GALNT6: variants seen among roughly 807,000 people sequenced by gnomAD.
The protein encoded by GALNT6 is GalNAc transferase 6.
Under a neutral mutation model 65.9 loss-of-function variants are expected in GALNT6, and 51 were observed. The ratio of observed to expected loss-of-function variants is 0.77; its 90% CI spans 0.62 to 0.98. The LOEUF is 0.98. GALNT6 is among the 50% of genes least tolerant of loss of function. GALNT6 has a pLI of 0.00. For synonymous variants in GALNT6, 323 were observed against 315.1 expected (o/e 1.02, Z -0.26); for missense variants, 708 against 803.3 (o/e 0.88, Z 1.43).
chr12:51,379,762 C>T lies in GALNT6; in HGVS notation c.20G>A (p.Arg7His), dbSNP rs1344312638. 8.1e-6 allele frequency: 13 copies of T among 1,608,142 alleles called. No homozygotes were observed. The highest frequency in any genetic ancestry group is 2.7e-5 in the African/African-American group (2 of 74,882). The part of the protein sequence containing the change: MRLLRR[R>H]HMPLRLAMVG... ...CATGGCCAGGCGCAGGGGCATGTGG[C>T]GTCTGCGGAGGAGCCTCATCCTCCA... Residue 7 changes from arginine to histidine, a missense_variant, in exon 3 of 12, where the codon CGC becomes CAC. Arg to His is a conservative substitution (Grantham distance 29). Transcript: ENST00000356317.
intron 4 of GALNT6, among the ~76,000 whole-genome samples, chr12:51,376,573 T>C (rs887029502): frequency 7.0e-6 from 1 of 141,884 alleles, no homozygotes; most frequent in Non-Finnish European, 1.5e-5. Context: ...GCGGAGGTTG[T>C]GGTGAGCTGA....
At chr12:51,359,427 C>T (rs1946851178) in intron 7 of GALNT6, 95 bp from the exon 8 acceptor site, 3 of 840,310 alleles carry the variant, frequency 3.6e-6, no homozygotes, top group Non-Finnish European at 5.7e-6. Context: ...CACCAGACCC[C>T]AGGTCCAAGG....
At position 51,375,337 on chromosome 12, in the gene GALNT6, G is replaced by T. The variant is rs12579126; in HGVS notation, c.664+1858C>A. ...CTCTCTTAGACACTCATCCTTTAAG[G>T]CCCAGCTCCAATCTGGCTTCCACTG... On this transcript the variant is annotated intron_variant, in intron 4 of 11. Transcript: ENST00000356317. Among the ~76,000 whole-genome samples the T allele has an allele frequency of 8.1e-3, 1,227 of 152,092 alleles. 45 individuals are homozygous for T. The East Asian group carries it at 0.12, about 15-fold the overall frequency.
At chr12:51,359,044 G>A in intron 8 of GALNT6, 88 bp downstream of exon 8, 2 of 1,020,890 alleles carry the variant, frequency 2.0e-6, no homozygotes, top group African/African-American at 1.6e-5. Flanking sequence ...GTAGAGATGA[G>A]GTGGGTCCCA....
chr12:51,368,030 T>A (rs909216908), intron 4 of GALNT6, among the ~76,000 whole-genome samples: 3 of 152,020 alleles, frequency 2.0e-5, no homozygotes, highest in Non-Finnish European at 4.4e-5. Flanking sequence ...TTTTTTTTTT[T>A]TAATTTTTTA....
At chr12:51,368,391 C>G (rs1326611719) in intron 4 of GALNT6, among the ~76,000 whole-genome samples, 3 of 107,084 alleles carry the variant, frequency 2.8e-5, no homozygotes, top group Non-Finnish European at 5.4e-5. Context: ...CTTTTTTTTT[C>G]CATGTTTTTT....
intron 4 of GALNT6, among the ~76,000 whole-genome samples, chr12:51,367,287 T>C (rs1947139793): frequency 6.7e-6 from 1 of 148,788 alleles, no homozygotes; most frequent in Non-Finnish European, 1.5e-5. Context: ...AAACAAAAAT[T>C]AGCCAGGTGT....
Position 51,355,799 on chromosome 12 carries a change from G to T in GALNT6, c.1755+7C>A. 2 of 1,611,712 alleles carry T rather than the reference G, an allele frequency of 1.2e-6. No homozygotes were observed. The highest frequency in any genetic ancestry group is 2.2e-5 in the South Asian group (2 of 90,938). ...CTTGATTCTGAGCTTTCTGGACACT[G>T]ACTCACCTGGGCCAATTCCCATTCC... On this transcript the variant is annotated splice_region_variant and intron_variant, in intron 11 of 11. Transcript: ENST00000356317.
At chr12:51,390,561 GGGAGACAGCTCATCTGTCT>G (rs1190539920) in intron 2 of GALNT6, among the ~76,000 whole-genome samples, 1 of 152,220 alleles carries the variant, frequency 6.6e-6, no homozygotes, top group Non-Finnish European at 1.5e-5. Context: ...TTGATGGGAA[GGGAGACAGCTCATCTGTCT>G]GGAGCGGAGA....
At chr12:51,356,726 G>C (rs998492045) in intron 10 of GALNT6, among the ~76,000 whole-genome samples, 1 of 151,958 alleles carries the variant, frequency 6.6e-6, no homozygotes, top group Non-Finnish European at 1.5e-5. Flanking sequence ...TAACATCCGT[G>C]AAATCATGTG....
intron 4 of GALNT6, 55 bp from the exon 5 acceptor site, chr12:51,365,634 C>T: frequency 1.3e-6 from 2 of 1,564,866 alleles, no homozygotes; most frequent in Non-Finnish European, 8.7e-7. Context: ...ATACCCAATC[C>T]CCTGTGGGCA....
chr12:51,374,628 A>G (rs1255717205), intron 4 of GALNT6, among the ~76,000 whole-genome samples: 14 of 152,106 alleles, frequency 9.2e-5, no homozygotes, highest in Admixed American at 8.5e-4. Context: ...TGCCCTCACT[A>G]TTGGGAGTTT....
chr12:51,354,300 TG>T lies in GALNT6; in HGVS notation c.*78del. 1.3e-6 allele frequency: 1 copy of T among 781,702 alleles called. No homozygotes were observed. The highest frequency in any genetic ancestry group is 2.0e-6 in the Non-Finnish European group (1 of 493,638). The allele number at this position is 781,702 out of a possible 1,614,324, so 48.4% of individuals were successfully genotyped here. A position where few individuals can be genotyped will look rare whatever the true frequency, so the allele number is the denominator to read the frequency against. ...CCATCTTTACGGCCTCCAGAGAAGC[TG>T]GTGATCAGGTTCCCAGACATCAGCA... On this transcript the variant is annotated 3_prime_UTR_variant, in exon 12 of 12. Transcript: ENST00000356317.
Position 51,388,762 on chromosome 12 carries a change from CA to C in GALNT6, c.-104+2087del, listed in dbSNP as rs761675059. ...CTGTCTCCAGAATGTTCTTCCTGAC[CA>C]ATCTACCTGGCCTTCCAATCCCTGT... is the stretch of plus-strand genomic sequence containing the variant. On this transcript the variant is annotated intron_variant, in intron 2 of 11. Coordinates refer to ENST00000356317, the MANE Select transcript of GALNT6 (RefSeq NM_007210.4). Among the ~76,000 whole-genome samples the C allele has an allele frequency of 2.0e-5, 3 of 152,286 alleles. No homozygotes were observed. In the East Asian group the frequency reaches 5.8e-4, roughly 29 times the overall value.
At chr12:51,368,456 G>C (rs960365379) in intron 4 of GALNT6, among the ~76,000 whole-genome samples, 11 of 149,368 alleles carry the variant, frequency 7.4e-5, no homozygotes, top group African/African-American at 2.7e-4. Context: ...CCAGGCTGGA[G>C]TGCAGTGGTG....
chr12:51,378,994 G>T (rs889020961), intron 3 of GALNT6, among the ~76,000 whole-genome samples: 2 of 151,686 alleles, frequency 1.3e-5, no homozygotes, highest in Non-Finnish European at 2.9e-5. Context: ...CAGTCACCCC[G>T]TGCCAGGTCC....
chr12:51,367,239 A>G (rs1456439082), intron 4 of GALNT6, among the ~76,000 whole-genome samples: 1 of 152,144 alleles, frequency 6.6e-6, no homozygotes, highest in Non-Finnish European at 1.5e-5. Flanking sequence ...CCTGGGCAAC[A>G]AGAGCGAAAC....
intron 4 of GALNT6, among the ~76,000 whole-genome samples, chr12:51,368,580 A>G (rs949491732): frequency 6.6e-6 from 1 of 151,364 alleles, no homozygotes; most frequent in Non-Finnish European, 1.5e-5. Flanking sequence ...AATTTTTTGT[A>G]TTTTTTGTGA....
chr12:51,389,513 A>G (rs1332031218), intron 2 of GALNT6, among the ~76,000 whole-genome samples: 1 of 152,134 alleles, frequency 6.6e-6, no homozygotes, highest in Non-Finnish European at 1.5e-5. Context: ...CTTGCATTTG[A>G]CTGGTGCTTG....
Sources: allele counts gnomAD v4.1 joint callset (sites outside exome capture counted in the v4.1 genomes callset), GRCh38; gene constraint gnomAD v4.1.1; transcripts MANE v1.5; gene names NCBI Gene and HGNC (gene_info 2026-07-23, HGNC 2026-07-21).